Variants in SNTG1 observed in about 807,000 individuals in gnomAD.
SNTG1 encodes syntrophin gamma 1.
In SNTG1, 39 loss-of-function variants were observed where a neutral mutation model predicts 74.7. That is an observed-to-expected ratio of 0.52 (90% CI 0.40 to 0.68). The LOEUF is 0.68. Among genes scored for constraint, SNTG1 ranks in the 30% least tolerant of loss-of-function variants. SNTG1 has a pLI of 0.00. For missense variants in SNTG1, 685 were observed against 609.5 expected, an observed-to-expected ratio of 1.12 and a Z score of -1.30; for synonymous variants, 254 against 217.1, an observed-to-expected ratio of 1.17 and a Z score of -1.49.
At chr8:50,286,469 T>C (rs559919213) in intron 2 of SNTG1, 2 of 152,304 alleles carry the variant, frequency 1.3e-5, no homozygotes, top group East Asian at 3.9e-4. Flanking sequence ...AGTCACTTCG[T>C]TTCTACTTCT....
intron 8 of SNTG1, among the ~76,000 whole-genome samples, chr8:50,464,476 G>C (rs763797177): frequency 6.6e-6 from 1 of 152,100 alleles, no homozygotes; most frequent in Non-Finnish European, 1.5e-5. Flanking sequence ...TCAGGGAGTA[G>C]GAAGGCCTGC....
intron 1 of SNTG1, among the ~76,000 whole-genome samples, chr8:50,148,822 C>T (rs962598990): frequency 6.6e-6 from 1 of 152,112 alleles, no homozygotes; most frequent in Middle Eastern, 3.2e-3. Context: ...GGGTTGGTTC[C>T]AATCTTTGCT....
At chr8:50,449,644 C>T (rs1391023014) in intron 5 of SNTG1, 24 bp from the exon 6 acceptor site, 3 of 1,559,838 alleles carry the variant, frequency 1.9e-6, no homozygotes, top group African/African-American at 2.7e-5. Context: ...TTAAAAAGTA[C>T]AATATATGAT....
chr8:49,911,622 A>G lies in SNTG1; in HGVS notation c.-712A>G, dbSNP rs1039995147. ...GAGAAGGCTAGGGCGGAAGACAAGGAAGCTGCTGCTTGGATTCGCTGGTGG... is the reference window on the plus strand; with the variant it reads ...GAGAAGGCTAGGGCGGAAGACAAGGGAGCTGCTGCTTGGATTCGCTGGTGG... On this transcript the variant is annotated 5_prime_UTR_variant, in exon 1 of 19. Coordinates refer to ENST00000642720, the MANE Select transcript of SNTG1 (RefSeq NM_018967.5). 6.6e-6 allele frequency: 1 copy of G among 151,274 alleles called. No homozygotes were observed. Among genetic ancestry groups the G allele is most frequent in the African/African-American group, 2.4e-5 (1 of 41,208 alleles). 9.4% of individuals were successfully genotyped at this position (151,274 alleles called of 1,614,324 possible). A position where few individuals can be genotyped will look rare whatever the true frequency, so the allele number is the denominator to read the frequency against.
intron 1 of SNTG1, among the ~76,000 whole-genome samples, chr8:50,073,201 T>C (rs1821526495): frequency 6.6e-6 from 1 of 152,232 alleles, no homozygotes; most frequent in Non-Finnish European, 1.5e-5. Context: ...TCACTAATTA[T>C]CAAACAAGTT....
chr8:50,493,536 G>A (rs2093876885), intron 8 of SNTG1, among the ~76,000 whole-genome samples: 1 of 151,982 alleles, frequency 6.6e-6, no homozygotes, highest in Non-Finnish European at 1.5e-5. Flanking sequence ...TGTATTTTGG[G>A]CACCTTCCTA....
At chr8:50,622,829 ATAGT>A (rs138791288) in intron 13 of SNTG1, among the ~76,000 whole-genome samples, 4,911 of 152,198 alleles carry the variant, frequency 0.032, 121 homozygotes, top group African/African-American at 0.058. Context: ...AAATCTTTAA[ATAGT>A]TAGGAGTTTT....
chr8:50,180,870 C>A (rs1372056734), intron 2 of SNTG1, among the ~76,000 whole-genome samples: 1 of 150,928 alleles, frequency 6.6e-6, no homozygotes, highest in African/African-American at 2.4e-5. Flanking sequence ...AAGCGACTCT[C>A]CGGCCTCAGC....
At chr8:50,716,294 A>G (rs2095474843) in intron 17 of SNTG1, among the ~76,000 whole-genome samples, 1 of 152,186 alleles carries the variant, frequency 6.6e-6, no homozygotes, top group Non-Finnish European at 1.5e-5. Context: ...TTGAAACATC[A>G]AAATGAATTC....
At chr8:49,976,685 A>T (rs1401669047) in intron 1 of SNTG1, among the ~76,000 whole-genome samples, 1 of 152,226 alleles carries the variant, frequency 6.6e-6, no homozygotes, top group African/African-American at 2.4e-5. Context: ...AAGAGTTAAC[A>T]GCAGAGCGGA....
intron 1 of SNTG1, among the ~76,000 whole-genome samples, chr8:50,107,099 T>A (rs2080401584): frequency 6.6e-6 from 1 of 152,156 alleles, no homozygotes; most frequent in Non-Finnish European, 1.5e-5. Flanking sequence ...AATTACAGAA[T>A]GTAAAATTTT....
intron 1 of SNTG1, among the ~76,000 whole-genome samples, chr8:50,022,819 G>A (rs1160166070): frequency 6.6e-6 from 1 of 152,158 alleles, no homozygotes. Flanking sequence ...AGGGTTGAGG[G>A]TGTGGACCTT....
intron 2 of SNTG1, among the ~76,000 whole-genome samples, chr8:50,344,237 C>A (rs1003787117): frequency 6.6e-6 from 1 of 152,084 alleles, no homozygotes; most frequent in Non-Finnish European, 1.5e-5. Flanking sequence ...AGCAAAGCAA[C>A]TTACTATCCC....
intron 2 of SNTG1, among the ~76,000 whole-genome samples, chr8:50,252,661 A>G (rs1316783226): frequency 6.6e-6 from 1 of 152,164 alleles, no homozygotes; most frequent in African/African-American, 2.4e-5. Flanking sequence ...GCTGAGAACA[A>G]GAGAGAGGGA....
intron 13 of SNTG1, among the ~76,000 whole-genome samples, chr8:50,633,191 G>A (rs953857217): frequency 6.6e-5 from 10 of 152,162 alleles, no homozygotes; most frequent in East Asian, 5.8e-4. Context: ...AAGGGTATAG[G>A]AAGAGAATTG....
chr8:50,504,384 G>A (rs567169335), intron 9 of SNTG1, among the ~76,000 whole-genome samples: 1 of 152,100 alleles, frequency 6.6e-6, no homozygotes, highest in African/African-American at 2.4e-5. Flanking sequence ...CCCATCACTG[G>A]AAGCTTCTTG....
intron 1 of SNTG1, among the ~76,000 whole-genome samples, chr8:50,045,484 C>G (rs996260101): frequency 6.6e-6 from 1 of 152,156 alleles, no homozygotes; most frequent in African/African-American, 2.4e-5. Context: ...CCCCCATGAT[C>G]CAATCACCTC....
At chr8:50,558,894 A>G (rs182609852) in intron 12 of SNTG1, among the ~76,000 whole-genome samples, 1 of 152,212 alleles carries the variant, frequency 6.6e-6, no homozygotes, top group Admixed American at 6.5e-5. Context: ...TGTATTTTTT[A>G]TTTATTCAAC....
In SNTG1 at chr8:50,462,796, C is replaced by CTTTTTTTT. The variant is rs869119447; in HGVS notation, c.363+12099_363+12106dup. 1.3e-3 allele frequency among the ~76,000 whole-genome samples: 77 copies of CTTTTTTTT among 57,436 alleles called. 4 individuals carry two copies. The highest frequency in any genetic ancestry group is 1.7e-3 in the South Asian group (3 of 1,734). The allele number at this position is 57,436 out of a possible 152,430, so 37.7% of individuals were successfully genotyped here. On this transcript the variant is annotated intron_variant, in intron 8 of 18. Transcript: ENST00000642720. The stretch of plus-strand genomic sequence containing the variant: ...CTCAGTCGCATCTTCAGGTTCTACT[C>CTTTTTTTT]TTTTTTTTTTTTTTTTTTTTTTTTT...
Sources: gnomAD v4.1 joint callset for allele counts (sites outside exome capture counted in the v4.1 genomes callset) on GRCh38, gnomAD v4.1.1 for gene constraint, MANE v1.5 for transcripts, NCBI Gene and HGNC (gene_info 2026-07-23, HGNC 2026-07-21) for gene names.